Variants in RERE observed in about 807,000 individuals in gnomAD.
RERE encodes the protein arginine-glutamic acid dipeptide repeats, also known as arginine-glutamic acid dipeptide repeats protein.
Under a neutral mutation model 146.1 loss-of-function variants are expected in RERE, and 40 were observed. The observed-to-expected ratio is 0.27, with a 90% confidence interval of 0.21 to 0.36. The LOEUF (loss-of-function observed/expected upper bound fraction) is 0.36, where lower values mean the gene tolerates loss of function less well. Ranked by LOEUF, RERE falls within the 10% of genes least tolerant of loss-of-function variation. The pLI, the probability that RERE is intolerant of heterozygous loss-of-function variation, is 1.00. For missense variants in RERE, 1,933 were observed against 2,138.7 expected, an observed-to-expected ratio of 0.90 and a Z score of 1.90; for synonymous variants, 1,003 against 866.0, an observed-to-expected ratio of 1.16 and a Z score of -2.78.
At chr1:8,438,808 C>T (rs1644206022) in intron 11 of RERE, among the ~76,000 whole-genome samples, 1 of 152,148 alleles carries the variant, frequency 6.6e-6, no homozygotes, top group Non-Finnish European at 1.5e-5. Context: ...AATAATCCAA[C>T]TAAGTAAAAA....
intron 1 of RERE, among the ~76,000 whole-genome samples, chr1:8,813,944 G>A (rs963036517): frequency 6.6e-6 from 1 of 152,016 alleles, no homozygotes. Flanking sequence ...AAGCTTTTTC[G>A]ACTGACCAGT....
At chr1:8,697,757 T>C (rs1639366014) in intron 1 of RERE, among the ~76,000 whole-genome samples, 1 of 152,194 alleles carries the variant, frequency 6.6e-6, no homozygotes, top group Non-Finnish European at 1.5e-5. Flanking sequence ...ACATGTAACT[T>C]ATGCAAGCCA....
intron 7 of RERE, among the ~76,000 whole-genome samples, chr1:8,521,804 C>T (rs1378218450): frequency 6.6e-6 from 1 of 152,154 alleles, no homozygotes; most frequent in African/African-American, 2.4e-5. Context: ...ACAGATGATG[C>T]ATTCATTTAT....
intron 12 of RERE, among the ~76,000 whole-genome samples, chr1:8,407,464 A>G (rs544638287): frequency 6.6e-6 from 1 of 152,228 alleles, no homozygotes. Flanking sequence ...AATGTCTAAG[A>G]TAATAAAATT....
intron 4 of RERE, among the ~76,000 whole-genome samples, chr1:8,562,837 G>A (rs1193437057): frequency 1.3e-5 from 2 of 152,072 alleles, no homozygotes; most frequent in Admixed American, 1.3e-4. Context: ...GATTTAAGGA[G>A]ATTAATAGAG....
chr1:8,449,588 G>A (rs544769656), intron 11 of RERE, among the ~76,000 whole-genome samples: 28 of 152,306 alleles, frequency 1.8e-4, no homozygotes, highest in African/African-American at 6.5e-4. Flanking sequence ...GCACATCTAG[G>A]TATGAAAAAC....
At chr1:8,522,641 G>A (rs1645516466) in intron 7 of RERE, among the ~76,000 whole-genome samples, 1 of 152,154 alleles carries the variant, frequency 6.6e-6, no homozygotes, top group South Asian at 2.1e-4. Flanking sequence ...GGAGGCTGAG[G>A]CAGGCAGATC....
At position 8,361,149 on chromosome 1, in the gene RERE, G is replaced by C; in HGVS notation, c.2358C>G (p.Asn786Lys). Residue 786 changes from asparagine to lysine, a missense_variant, in exon 18 of 23, where the codon AAC (asparagine) becomes AAG (lysine). Coordinates refer to ENST00000400908, the MANE Select transcript of RERE (RefSeq NM_001042681.2). ...QGSPTASQAPNQPQAPTAPVP... is the reference protein window; with the variant it reads ...QGSPTASQAPKQPQAPTAPVP... ...CAGGCGCTGTGGGAGCCTGTGGCTG[G>C]TTAGGGGCCTGGGAGGCCGTGGGGG... is the stretch of plus-strand genomic sequence containing the variant. 5 of 1,448,914 alleles carry C rather than the reference G, an allele frequency of 3.5e-6. No homozygotes were observed. The highest frequency in any genetic ancestry group is 4.5e-6 in the Non-Finnish European group (5 of 1,106,086). The allele number at this position is 1,448,914 out of a possible 1,614,324, so 89.8% of individuals were successfully genotyped here. A position where few individuals can be genotyped will look rare whatever the true frequency, so the allele number is the denominator to read the frequency against.
At chr1:8,575,561 ATTT>A (rs57463625) in intron 4 of RERE, among the ~76,000 whole-genome samples, 72 of 98,654 alleles carry the variant, frequency 7.3e-4, no homozygotes, top group African/African-American at 2.4e-3. Flanking sequence ...ATATATATAT[ATTT>A]TTTTTTTTTT....
At chr1:8,696,196 G>A (rs1639326341) in intron 1 of RERE, among the ~76,000 whole-genome samples, 1 of 152,142 alleles carries the variant, frequency 6.6e-6, no homozygotes, top group Admixed American at 6.5e-5. Flanking sequence ...AGGTATACAT[G>A]CAAAAGAAAT....
Position 8,469,443 on chromosome 1 carries a change from C to T in RERE, c.1105-3420G>A, listed in dbSNP as rs117121422. On this transcript the variant is annotated intron_variant, in intron 10 of 22. Coordinates refer to ENST00000400908, the MANE Select transcript of RERE (RefSeq NM_001042681.2). ...ACCAGCCTGGCCAACAGGGTGAAAC[C>T]GCATCCCTACTAAAAAACTATAAAA... is the stretch of plus-strand genomic sequence containing the variant. Among the ~76,000 whole-genome samples, 140 of 152,058 alleles carry T rather than the reference C, an allele frequency of 9.2e-4. 5 individuals carry two copies. In the East Asian group the frequency reaches 0.025, roughly 27 times the overall value.
chr1:8,548,731 T>A (rs1482038992), intron 6 of RERE, among the ~76,000 whole-genome samples: 1 of 152,216 alleles, frequency 6.6e-6, no homozygotes, highest in Non-Finnish European at 1.5e-5. Context: ...ACGCCTGTAA[T>A]CCCAGCACCT....
chr1:8,462,189 T>C (rs1200482591), intron 11 of RERE, among the ~76,000 whole-genome samples: 6 of 152,228 alleles, frequency 3.9e-5, no homozygotes, highest in East Asian at 1.9e-4. Context: ...CACTCAATTA[T>C]AGTGAAGAAC....
At chr1:8,636,202 G>C (rs779691152) in intron 2 of RERE, among the ~76,000 whole-genome samples, 8 of 152,254 alleles carry the variant, frequency 5.3e-5, no homozygotes, top group Non-Finnish European at 1.2e-4. Context: ...TGGTCAGGCA[G>C]GTCTTGAACT....
chr1:8,624,448 A>G (rs910290381), intron 2 of RERE, 68 bp from the exon 3 acceptor site: 1 of 943,076 alleles, frequency 1.1e-6, no homozygotes, highest in Non-Finnish European at 1.7e-6. Context: ...GGGCCCATAA[A>G]GCCACTGCAT....
At chr1:8,751,678 G>C (rs1640538704) in intron 1 of RERE, among the ~76,000 whole-genome samples, 2 of 151,738 alleles carry the variant, frequency 1.3e-5, no homozygotes, top group Admixed American at 6.6e-5. Context: ...CAGAGACCCA[G>C]TGTTAACTTC....
At chr1:8,494,062 G>C (rs1409059721) in intron 10 of RERE, among the ~76,000 whole-genome samples, 1 of 152,188 alleles carries the variant, frequency 6.6e-6, no homozygotes, top group Non-Finnish European at 1.5e-5. Flanking sequence ...GCAGTGTGTT[G>C]TTATCTGAGC....
chr1:8,803,401 T>A (rs1569831297), intron 1 of RERE, among the ~76,000 whole-genome samples: 1 of 151,362 alleles, frequency 6.6e-6, no homozygotes, highest in Admixed American at 6.6e-5. Flanking sequence ...ACCCGGGAGG[T>A]GAAGGTTGCA....
chr1:8,783,125 G>T (rs1054964953), intron 1 of RERE, among the ~76,000 whole-genome samples: 19 of 152,152 alleles, frequency 1.2e-4, no homozygotes, highest in African/African-American at 4.1e-4. Flanking sequence ...TGTGAGCCCA[G>T]GAGTTCAAGA....
Sources: gnomAD v4.1 joint callset for allele counts (sites outside exome capture counted in the v4.1 genomes callset) on GRCh38, gnomAD v4.1.1 for gene constraint, MANE v1.5 for transcripts, NCBI Gene and HGNC (gene_info 2026-07-23, HGNC 2026-07-21) for gene names.